Variants in MSANTD7 observed in about 807,000 individuals in gnomAD.
MSANTD7 encodes the protein Myb/SANT DNA binding domain containing 7.
chr10:14,843,050 A>C, the MSANTD7 span, among the ~76,000 whole-genome samples: 1 of 152,184 alleles, frequency 6.6e-6, no homozygotes, highest in African/African-American at 2.4e-5. Flanking sequence ...AGGTATTAGA[A>C]CCCTTTAAAC....
the MSANTD7 span, chr10:14,844,361 A>C: frequency 9.7e-7 from 1 of 1,027,218 alleles, no homozygotes; most frequent in Non-Finnish European, 1.2e-6. Context: ...AGATTGGTTT[A>C]CAAGATACAG....
chr10:14,841,325 G>C, the MSANTD7 span: 1 of 152,080 alleles, frequency 6.6e-6, no homozygotes, highest in Non-Finnish European at 1.5e-5. Context: ...ATAAAGTCTA[G>C]AAAAAAGAAT....
chr10:14,838,418 G>C, the MSANTD7 span: 2 of 1,606,118 alleles, frequency 1.2e-6, no homozygotes, highest in Non-Finnish European at 1.7e-6. Flanking sequence ...GGCCATCGGA[G>C]TTCACCTGGG....
chr10:14,843,433 C>A, the MSANTD7 span: 294 of 1,550,664 alleles, frequency 1.9e-4, 1 homozygote, highest in Non-Finnish European at 2.3e-4. Context: ...TGCAGTTGCT[C>A]CCTGTCAGAG....
chr10:14,843,901 A>G, the MSANTD7 span: 32 of 1,536,152 alleles, frequency 2.1e-5, no homozygotes, highest in Non-Finnish European at 2.7e-5. Context: ...CTAGGAACCA[A>G]TTACAAAAGG....
the MSANTD7 span, among the ~76,000 whole-genome samples, chr10:14,841,424 C>T: frequency 4.7e-4 from 71 of 152,218 alleles, 1 homozygote; most frequent in South Asian, 0.014. Flanking sequence ...ATTGCAGTTT[C>T]CCATGCTGCT....
chr10:14,840,265 T>C, the MSANTD7 span: 138 of 454,714 alleles, frequency 3.0e-4, no homozygotes, highest in African/African-American at 2.7e-3. Context: ...TCTTCATTGC[T>C]TTTTATGACT....
chr10:14,842,139 A>G, the MSANTD7 span: 10 of 1,533,908 alleles, frequency 6.5e-6, no homozygotes, highest in Non-Finnish European at 7.0e-6. The surrounding 1 kb of genome is among the most constrained non-coding windows in gnomAD (Gnocchi z 5.2). Context: ...TCCAGCCAGA[A>G]ATGCGGTCCT....
the MSANTD7 span, chr10:14,843,643 A>T: frequency 6.5e-7 from 1 of 1,550,136 alleles, no homozygotes; most frequent in Non-Finnish European, 8.7e-7. Context: ...AGTGGCCAGG[A>T]CTATCGCAGC....
At chr10:14,843,323 C>T in the MSANTD7 span, 40 of 1,548,032 alleles carry the variant, frequency 2.6e-5, no homozygotes, top group Non-Finnish European at 3.2e-5. Flanking sequence ...TCCAAGCATT[C>T]CCTTAGCAGG....
At chr10:14,846,561 AC>A in the MSANTD7 span, 1 of 984,926 alleles carries the variant, frequency 1.0e-6, no homozygotes, top group South Asian at 4.7e-5. Flanking sequence ...TATGTGGTAG[AC>A]CCAACCATTA....
chr10:14,841,459 C>G, the MSANTD7 span, among the ~76,000 whole-genome samples: 1 of 152,118 alleles, frequency 6.6e-6, no homozygotes, highest in South Asian at 2.1e-4. Context: ...ACAGAGACAT[C>G]AAACACATTG....
chr10:14,838,685 C>T, the MSANTD7 span: 1 of 503,232 alleles, frequency 2.0e-6, no homozygotes, highest in Non-Finnish European at 3.5e-6. Context: ...GCGATGTAGA[C>T]GCGCGGGGTC....
the MSANTD7 span, chr10:14,842,390 G>A: frequency 2.2e-5 from 34 of 1,536,054 alleles, 1 homozygote; most frequent in South Asian, 3.6e-5. The surrounding 1 kb of genome is among the most constrained non-coding windows in gnomAD (Gnocchi z 5.2). Context: ...CCTCCAGACT[G>A]TGCATCACAA....
the MSANTD7 span, chr10:14,842,200 T>C: frequency 4.6e-6 from 7 of 1,535,336 alleles, no homozygotes; most frequent in East Asian, 4.9e-5. The surrounding 1 kb of genome is among the most constrained non-coding windows in gnomAD (Gnocchi z 5.2). Context: ...CCTGGAGATA[T>C]CCTGAGAGCA....
At chr10:14,844,005 A>G in the MSANTD7 span, 11 of 1,467,384 alleles carry the variant, frequency 7.5e-6, no homozygotes, top group Non-Finnish European at 9.8e-6. Flanking sequence ...ACATGGATGA[A>G]CCATTTATAT....
the MSANTD7 span, chr10:14,843,759 T>C: frequency 6.5e-7 from 1 of 1,536,462 alleles, no homozygotes; most frequent in Non-Finnish European, 8.7e-7. Flanking sequence ...CTCAGCAAGA[T>C]ACTGCCAATG....
chr10:14,841,962 A>G, the MSANTD7 span: 1 of 426,278 alleles, frequency 2.3e-6, no homozygotes, highest in South Asian at 2.0e-5. Flanking sequence ...TTTGTTACCA[A>G]GCCATTAGGT....
chr10:14,846,570 T>C, the MSANTD7 span: 1 of 984,190 alleles, frequency 1.0e-6, no homozygotes, highest in Non-Finnish European at 1.2e-6. Flanking sequence ...GACCCAACCA[T>C]TACTACTTGA....
Sources: allele counts gnomAD v4.1 joint callset (sites outside exome capture counted in the v4.1 genomes callset), GRCh38; gene constraint gnomAD v4.1.1; non-coding constraint Gnocchi (gnomAD v3.1); transcripts MANE v1.5; gene names NCBI Gene and HGNC (gene_info 2026-07-23, HGNC 2026-07-21).